EDNRA: variants seen among roughly 807,000 people sequenced by gnomAD.
The protein encoded by EDNRA is endothelin-1 receptor.
A neutral mutation model predicts 41.4 loss-of-function variants in EDNRA; 11 were observed. The ratio of observed to expected loss-of-function variants is 0.27; its 90% CI spans 0.17 to 0.44. The LOEUF (loss-of-function observed/expected upper bound fraction) is 0.44. Among genes scored for constraint, EDNRA ranks in the 20% least tolerant of loss-of-function variants. The pLI is 1.00. For missense variants in EDNRA, 294 were observed against 531.0 expected (o/e 0.55, Z 4.39); for synonymous variants, 172 against 183.0 (o/e 0.94, Z 0.49).
At chr4:147,509,297 G>A (rs568449749) in intron 2 of EDNRA, among the ~76,000 whole-genome samples, 11 of 152,268 alleles carry the variant, frequency 7.2e-5, no homozygotes, top group African/African-American at 2.4e-4. Context: ...TGCCACGGTC[G>A]TGATTCATGC....
At chr4:147,506,398 T>A in intron 2 of EDNRA, 1 of 410,266 alleles carries the variant, frequency 2.4e-6, no homozygotes, top group Non-Finnish European at 4.8e-6. Context: ...GAAAAGTACA[T>A]GAGATTAAAA....
chr4:147,539,478 A>T (rs1263018243), intron 5 of EDNRA, among the ~76,000 whole-genome samples: 1 of 151,748 alleles, frequency 6.6e-6, no homozygotes. Flanking sequence ...ACACAGGCAG[A>T]CTCAGCCACC....
intron 5 of EDNRA, among the ~76,000 whole-genome samples, chr4:147,539,436 C>T (rs1362555221): frequency 6.6e-6 from 1 of 151,882 alleles, no homozygotes; most frequent in African/African-American, 2.4e-5. Flanking sequence ...CCCTTTCCCC[C>T]ATGCAGTCAC....
intron 3 of EDNRA, 42 bp from the exon 4 acceptor site, chr4:147,532,464 T>G: frequency 6.3e-7 from 1 of 1,589,392 alleles, no homozygotes; most frequent in South Asian, 1.1e-5. Context: ...GAAATACATT[T>G]AAAATTTCCT....
chr4:147,514,824 C>T (rs1409558301), intron 2 of EDNRA, among the ~76,000 whole-genome samples: 1 of 152,182 alleles, frequency 6.6e-6, no homozygotes, highest in African/African-American at 2.4e-5. Context: ...TCTGCTCCTC[C>T]TGTTCCATTT....
At chr4:147,512,976 C>T (rs10305889) in intron 2 of EDNRA, among the ~76,000 whole-genome samples, 3,039 of 152,280 alleles carry the variant, frequency 0.02, 90 homozygotes, top group African/African-American at 0.069. Flanking sequence ...ATTCTCTCTT[C>T]GCTGGCCCAC....
chr4:147,542,365 T>C, intron 7 of EDNRA, 113 bp from the exon 8 acceptor site: 1 of 1,462,904 alleles, frequency 6.8e-7, no homozygotes, highest in Non-Finnish European at 9.3e-7. Flanking sequence ...AAGGTTCACT[T>C]CCCTCGAATG....
intron 4 of EDNRA, among the ~76,000 whole-genome samples, chr4:147,533,907 T>C (rs1227516148): frequency 4.6e-5 from 7 of 152,148 alleles, no homozygotes; most frequent in Non-Finnish European, 1.5e-5. Context: ...GGCTAGACGG[T>C]TGCAGTAAAG....
At position 147,481,346 on chromosome 4, in the gene EDNRA, C is replaced by G. The variant is rs200886429; in HGVS notation, c.-101C>G. The G allele has an allele frequency of 6.6e-6, 1 of 152,412 alleles. No individual in the cohort carries two copies. Among genetic ancestry groups the G allele is most frequent in the East Asian group, 1.9e-4 (1 of 5,184 alleles). 9.4% of individuals were successfully genotyped at this position (152,412 alleles called of 1,614,324 possible). A position where few individuals can be genotyped will look rare whatever the true frequency, so the allele number is the denominator to read the frequency against. On this transcript the variant is annotated 5_prime_UTR_variant, in exon 1 of 8. Transcript: ENST00000651419. ...CTCTGGCCCAGGCGCCGCGCGGACC[C>G]GGCAGCTGTCTGCGCACGCCGAGCT...
intron 3 of EDNRA, among the ~76,000 whole-genome samples, chr4:147,525,267 G>A (rs1730496806): frequency 6.6e-6 from 1 of 152,200 alleles, no homozygotes; most frequent in South Asian, 2.1e-4. Context: ...CATGATTTCT[G>A]CCAGAATGGA....
chr4:147,528,929 G>A (rs920852051), intron 3 of EDNRA, among the ~76,000 whole-genome samples: 11 of 152,172 alleles, frequency 7.2e-5, no homozygotes, highest in African/African-American at 1.4e-4. Flanking sequence ...ATGGTCTGAC[G>A]TAACAGCCTC....
At position 147,540,421 on chromosome 4, in the gene EDNRA, T is replaced by C; in HGVS notation, c.1079T>C (p.Met360Thr). The C allele has an allele frequency of 6.2e-7, 1 of 1,613,848 alleles. No homozygotes were observed. Among genetic ancestry groups the C allele is most frequent in the Non-Finnish European group, 8.5e-7 (1 of 1,179,904 alleles). ...TACATCGGTATTAACTTGGCAACCATGAATTCATGTATAAACCCCATAGCT... is the reference window on the plus strand; with the variant it reads ...TACATCGGTATTAACTTGGCAACCACGAATTCATGTATAAACCCCATAGCT... ...MDYIGINLAT[M>T]NSCINPIALY... The change falls in exon 7 of 8, where the codon ATG (methionine) becomes ACG (threonine). Residue 360 changes from methionine (M) to threonine (T), a missense_variant. By Grantham distance (81) the Met-to-Thr change is moderately conservative (BLOSUM62 -1). Transcript: ENST00000651419.
At chr4:147,505,125 A>G (rs1285083573) in intron 2 of EDNRA, among the ~76,000 whole-genome samples, 1 of 151,406 alleles carries the variant, frequency 6.6e-6, no homozygotes, top group Non-Finnish European at 1.5e-5. Context: ...AAAGATGTTC[A>G]ATATCATTAG....
At position 147,535,981 on chromosome 4, in the gene EDNRA, C is replaced by T. The variant is rs1265027525; in HGVS notation, c.852C>T (p.Asn284=). ...CCCTCATGACTTGTGAGATGTTGAA[C>T]AGAAGGAATGGCAGCTTGAGAATTG... ...FYTLMTCEML[N]RRNGSLRIAL... Residue 284 remains asparagine, a synonymous_variant, in exon 5 of 8, where the codon AAC becomes AAT. Coordinates refer to ENST00000651419, the MANE Select transcript of EDNRA (RefSeq NM_001957.4). 3 of 1,613,704 alleles carry T rather than the reference C, an allele frequency of 1.9e-6. No individual in the cohort carries two copies. The highest frequency in any genetic ancestry group is 2.5e-6 in the Non-Finnish European group (3 of 1,179,914).
At chr4:147,520,458 C>T (rs757367303) in intron 3 of EDNRA, 4 of 518,890 alleles carry the variant, frequency 7.7e-6, no homozygotes, top group African/African-American at 3.8e-5. Context: ...AAGAGTGCAA[C>T]ACCAGAAGCA....
At chr4:147,482,426 T>C (rs780577870) in intron 1 of EDNRA, among the ~76,000 whole-genome samples, 3 of 152,220 alleles carry the variant, frequency 2.0e-5, no homozygotes, top group Non-Finnish European at 4.4e-5. Flanking sequence ...ATAGACCATG[T>C]CCTTCAGGTC....
chr4:147,512,158 G>A (rs1729952237), intron 2 of EDNRA, among the ~76,000 whole-genome samples: 1 of 152,182 alleles, frequency 6.6e-6, no homozygotes, highest in Admixed American at 6.5e-5. Flanking sequence ...TACAAAATAA[G>A]TAAAAGCCTC....
At chr4:147,485,448 GT>G (rs1391120951) in intron 1 of EDNRA, among the ~76,000 whole-genome samples, 163 bp from the exon 2 acceptor site, 2 of 152,172 alleles carry the variant, frequency 1.3e-5, no homozygotes, top group African/African-American at 2.4e-5. Flanking sequence ...TAGAGCTTCA[GT>G]TTTTTTCTGG....
At chr4:147,506,075 C>T in intron 2 of EDNRA, 4 of 507,132 alleles carry the variant, frequency 7.9e-6, no homozygotes, top group Non-Finnish European at 1.6e-5. Context: ...TCCCTGGGTT[C>T]CCAGTATCCT....
Sources: allele counts gnomAD v4.1 joint callset (sites outside exome capture counted in the v4.1 genomes callset), GRCh38; gene constraint gnomAD v4.1.1; transcripts MANE v1.5; gene names NCBI Gene and HGNC (gene_info 2026-07-23, HGNC 2026-07-21).